EGF: variants seen among roughly 807,000 people sequenced by gnomAD.
EGF encodes epidermal growth factor.
Under a neutral mutation model 143.8 loss-of-function variants are expected in EGF, and 95 were observed. That is an observed-to-expected ratio of 0.66 (90% CI 0.56 to 0.78). The LOEUF is 0.78. Ranked by LOEUF, EGF falls within the 30% of genes least tolerant of loss-of-function variation. The pLI is 0.00. For synonymous variants in EGF, 510 were observed against 510.5 expected (o/e 1.00, Z 0.01); for missense variants, 1,320 against 1,470.9 (o/e 0.90, Z 1.68).
At chr4:109,934,753 G>A (rs1376068234) in intron 1 of EGF, among the ~76,000 whole-genome samples, 2 of 152,186 alleles carry the variant, frequency 1.3e-5, no homozygotes, top group African/African-American at 4.8e-5. Flanking sequence ...GTGTAAGGAA[G>A]GGATCCAGTT....
At chr4:109,920,144 A>T (rs1579442415) in intron 1 of EGF, among the ~76,000 whole-genome samples, 1 of 151,704 alleles carries the variant, frequency 6.6e-6, no homozygotes, top group South Asian at 2.1e-4. Context: ...GGTAACAAAG[A>T]TTTCTTACCT....
chr4:109,943,989 C>T lies in EGF; in HGVS notation c.657C>T (p.Tyr219=). The T allele has an allele frequency of 6.2e-7, 1 of 1,614,050 alleles. No homozygotes were observed. The highest frequency in any genetic ancestry group is 8.5e-7 in the Non-Finnish European group (1 of 1,180,014). Residue 219 remains tyrosine, a synonymous_variant, in exon 4 of 24, where the codon TAC becomes TAT. Coordinates refer to ENST00000265171, the MANE Select transcript of EGF (RefSeq NM_001963.6). ...ATAAGCGGCTGTTTTGGATTCAGTA[C>T]AACAGAGAAGGAAGCAATTCTCTTA... The part of the protein sequence containing the change: ...VLDKRLFWIQ[Y]NREGSNSLIC...
chr4:109,986,206 A>G (rs1750086745), intron 16 of EGF, among the ~76,000 whole-genome samples: 1 of 152,164 alleles, frequency 6.6e-6, no homozygotes, highest in Non-Finnish European at 1.5e-5. Flanking sequence ...TTCATTACGC[A>G]CAGCTGCCTT....
intron 13 of EGF, among the ~76,000 whole-genome samples, chr4:109,979,441 A>G (rs1748990677): frequency 6.6e-6 from 1 of 151,130 alleles, no homozygotes; most frequent in African/African-American, 2.4e-5. Flanking sequence ...GAGGGGAAAG[A>G]AGGTGGGGGA....
Position 109,943,899 on chromosome 4 carries a change from T to C in EGF, c.567T>C (p.Gly189=), listed in dbSNP as rs1449978168. 3 of 1,614,020 alleles carry C rather than the reference T, an allele frequency of 1.9e-6. No individual in the cohort carries two copies. The part of the protein sequence containing the change: ...AGSLYRADLD[G]VGVKALLETS... ...GCCTTTATAGAGCAGATCTCGATGG[T>C]GTGGGAGTGAAGGCTCTGTTGGAGA... The change falls in exon 4 of 24, where the codon GGT becomes GGC. Residue 189 remains glycine (G), a synonymous_variant. Coordinates refer to ENST00000265171, the MANE Select transcript of EGF (RefSeq NM_001963.6).
chr4:109,913,022 G>A lies in EGF; in HGVS notation c.-314G>A. On this transcript the variant is annotated 5_prime_UTR_variant, in exon 1 of 24. Transcript: ENST00000265171. ...AGCCTTTGCCTTGCTCTGTCACAGTGAAGTCAGCCAGAGCAGGGCTGTTAA... is the reference window on the plus strand; with the variant it reads ...AGCCTTTGCCTTGCTCTGTCACAGTAAAGTCAGCCAGAGCAGGGCTGTTAA... 2.9e-6 allele frequency: 1 copy of A among 347,654 alleles called. No individual in the cohort carries two copies. The highest frequency in any genetic ancestry group is 2.5e-5 in the South Asian group (1 of 39,392). 21.5% of individuals were successfully genotyped at this position (347,654 alleles called of 1,614,324 possible).
At chr4:109,940,905 A>C in intron 1 of EGF, 41 bp from the exon 2 acceptor site, 1 of 1,585,504 alleles carries the variant, frequency 6.3e-7, no homozygotes, top group South Asian at 1.1e-5. Flanking sequence ...ATGAGATAAA[A>C]TATTAAAAGT....
rs1745765012 is a variant in EGF, at chr4:109,961,916, A to G, written c.1243A>G (p.Thr415Ala). The change falls in exon 8 of 24, where the codon ACA (threonine) becomes GCA (alanine). Residue 415 changes from threonine (T) to alanine (A), a missense_variant. Coordinates refer to ENST00000265171, the MANE Select transcript of EGF (RefSeq NM_001963.6). ...TGAATGCAGCCATGACTGTGTTCTGACATCAGAAGGTCCCTTATGTTTCTG... is the reference window on the plus strand; with the variant it reads ...TGAATGCAGCCATGACTGTGTTCTGGCATCAGAAGGTCCCTTATGTTTCTG... ...VSECSHDCVL[T>A]SEGPLCFCPE... The G allele has an allele frequency of 3.1e-6, 5 of 1,613,878 alleles. No homozygotes were observed. Among genetic ancestry groups the G allele is most frequent in the Non-Finnish European group, 4.2e-6 (5 of 1,179,886 alleles).
In EGF at chr4:110,011,309, G is replaced by C; in HGVS notation, c.3478G>C (p.Val1160Leu). ...VSSDKGSCPQ[V>L]MERSFHMPSY... is the part of the protein sequence containing the mutation. ...CAGTGATAAGGGCTCCTGTCCCCAG[G>C]TAATGGAGCGAAGCTTTCATATGCC... The change falls in exon 24 of 24, where the codon GTA becomes CTA. Residue 1160 changes from valine to leucine, a missense_variant. By Grantham distance (32) the Val-to-Leu change is conservative. Transcript: ENST00000265171. The C allele has an allele frequency of 1.2e-6, 2 of 1,614,140 alleles. No homozygotes were observed. The highest frequency in any genetic ancestry group is 1.7e-6 in the Non-Finnish European group (2 of 1,180,022).
At chr4:109,934,830 A>C (rs1443267929) in intron 1 of EGF, among the ~76,000 whole-genome samples, 1 of 152,108 alleles carries the variant, frequency 6.6e-6, no homozygotes, top group Non-Finnish European at 1.5e-5. Context: ...TCCTTTCCCT[A>C]TTGCTCGTTT....
chr4:109,946,231 C>T (rs1742845424), intron 5 of EGF, among the ~76,000 whole-genome samples: 1 of 152,168 alleles, frequency 6.6e-6, no homozygotes, highest in African/African-American at 2.4e-5. Context: ...CTCAACTGAT[C>T]CTTCTGTTTT....
intron 22 of EGF, among the ~76,000 whole-genome samples, chr4:110,005,377 C>T (rs11098062): frequency 0.033 from 4,987 of 152,042 alleles, 257 homozygotes; most frequent in East Asian, 0.17. Flanking sequence ...CTTAATATTT[C>T]TTTTATTTTC....
At chr4:109,947,911 T>G (rs73841109) in intron 5 of EGF, among the ~76,000 whole-genome samples, 1,552 of 152,246 alleles carry the variant, frequency 0.01, 26 homozygotes, top group African/African-American at 0.035. Flanking sequence ...CCTGAAGAAA[T>G]AGAGCACCTT....
At chr4:109,958,099 T>C (rs945718831) in intron 5 of EGF, among the ~76,000 whole-genome samples, 1 of 152,242 alleles carries the variant, frequency 6.6e-6, no homozygotes, top group Admixed American at 6.5e-5. Flanking sequence ...GCTTAAGTTC[T>C]AATATAAAAC....
intron 1 of EGF, among the ~76,000 whole-genome samples, chr4:109,922,991 C>T (rs1263407258): frequency 2.6e-5 from 4 of 151,490 alleles, no homozygotes; most frequent in Non-Finnish European, 4.4e-5. Context: ...TTAGAGAAGT[C>T]GGTTTCCTGG....
chr4:109,915,502 G>A (rs996484944), intron 1 of EGF, among the ~76,000 whole-genome samples: 1 of 152,160 alleles, frequency 6.6e-6, no homozygotes, highest in East Asian at 1.9e-4. Flanking sequence ...GGAATGTGTG[G>A]ATGGCACTTT....
At chr4:109,980,695 C>A (rs1749218516) in intron 14 of EGF, 131 bp from the exon 15 acceptor site, 2 of 977,936 alleles carry the variant, frequency 2.0e-6, no homozygotes, top group African/African-American at 1.6e-5. Flanking sequence ...TATTGATATA[C>A]CCTCTATTTA....
chr4:109,964,264 C>A (rs1746182204), intron 9 of EGF, 137 bp from the exon 10 acceptor site: 1 of 1,228,886 alleles, frequency 8.1e-7, no homozygotes, highest in Admixed American at 1.8e-5. Flanking sequence ...TTCACCTATA[C>A]CACACTAGAG....
intron 1 of EGF, among the ~76,000 whole-genome samples, chr4:109,920,031 G>A (rs551978047): frequency 4.0e-5 from 6 of 151,612 alleles, no homozygotes; most frequent in East Asian, 1.9e-4. Context: ...TATTTTTATC[G>A]TTGATGCATA....
Sources: gnomAD v4.1 joint callset for allele counts (sites outside exome capture counted in the v4.1 genomes callset) on GRCh38, gnomAD v4.1.1 for gene constraint, MANE v1.5 for transcripts, NCBI Gene and HGNC (gene_info 2026-07-23, HGNC 2026-07-21) for gene names.